SLC38A3: variants seen among roughly 807,000 people sequenced by gnomAD.
SLC38A3 encodes the protein solute carrier family 38 member 3, also known as sodium-coupled neutral amino acid transporter 3.
SLC38A3 carries 17 observed loss-of-function variants against 59.5 expected under a neutral mutation model. The observed-to-expected ratio is 0.29, with a 90% CI of 0.20 to 0.43. The LOEUF is 0.43. Ranked by LOEUF, SLC38A3 falls within the 20% of genes least tolerant of loss-of-function variation. The pLI is 1.00. For synonymous variants in SLC38A3, 238 were observed against 260.3 expected (o/e 0.91, Z 0.82); for missense variants, 454 against 653.9 (o/e 0.69, Z 3.33).
At chr3:50,212,269 G>A (rs1699742429) in intron 1 of SLC38A3, among the ~76,000 whole-genome samples, 1 of 152,224 alleles carries the variant, frequency 6.6e-6, no homozygotes, top group African/African-American at 2.4e-5. Context: ...TGCCAGCTCA[G>A]CACACTCTGA....
In SLC38A3 at chr3:50,215,383, C is replaced by T; in HGVS notation, c.300-3C>T. On this transcript the variant is annotated splice_polypyrimidine_tract_variant and splice_region_variant and intron_variant, in intron 4 of 15. Coordinates refer to ENST00000614032, the MANE Select transcript of SLC38A3 (RefSeq NM_006841.6). The surrounding 1 kb of genome is among the most constrained non-coding windows in gnomAD (Gnocchi z 7.1). Reference sequence around the variant, plus strand: ...TTTCTTCCATCTTCCCATGTGTCCCCAGGTTCCTGTTGACAGCTGTCGCCT... The same window carrying T: ...TTTCTTCCATCTTCCCATGTGTCCCTAGGTTCCTGTTGACAGCTGTCGCCT... 1 of 1,613,916 alleles carries T rather than the reference C, an allele frequency of 6.2e-7. No individual in the cohort carries two copies. The highest frequency in any genetic ancestry group is 1.3e-5 in the African/African-American group (1 of 75,056).
At position 50,219,003 on chromosome 3, in the gene SLC38A3, C is replaced by T. The variant is rs587707194; in HGVS notation, c.1306+55C>T. On this transcript the variant is annotated intron_variant, in intron 14 of 15. Transcript: ENST00000614032. ...GGTATTGCCCCAGAGGATTTCAACT[C>T]TGCAAATCCTGGCAGATTCCTGAGC... 4 of 1,574,504 alleles carry T rather than the reference C, an allele frequency of 2.5e-6. No homozygotes were observed. In the East Asian group the frequency reaches 9.1e-5, roughly 36 times the overall value.
At chr3:50,207,051 C>T (rs1054830552) in intron 1 of SLC38A3, among the ~76,000 whole-genome samples, 1 of 152,218 alleles carries the variant, frequency 6.6e-6, no homozygotes, top group Non-Finnish European at 1.5e-5. Context: ...CCCTGGAAGT[C>T]TGGGCTGGGT....
chr3:50,208,933 C>T (rs1354305048), intron 1 of SLC38A3, among the ~76,000 whole-genome samples: 3 of 152,178 alleles, frequency 2.0e-5, no homozygotes, highest in Non-Finnish European at 2.9e-5. Flanking sequence ...TCCTCCAGGC[C>T]GACCTTGACT....
intron 1 of SLC38A3, among the ~76,000 whole-genome samples, chr3:50,213,896 G>T (rs1462848214): frequency 6.6e-6 from 1 of 152,200 alleles, no homozygotes; most frequent in Non-Finnish European, 1.5e-5. Flanking sequence ...CTAAGGGCTT[G>T]CCTGGACGGG....
At chr3:50,213,981 C>T (rs1318218378) in intron 1 of SLC38A3, among the ~76,000 whole-genome samples, 168 bp from the exon 2 acceptor site, 1 of 152,162 alleles carries the variant, frequency 6.6e-6, no homozygotes, top group Non-Finnish European at 1.5e-5. Context: ...GGTGTCTGAG[C>T]TGGATTCCCC....
At position 50,215,319 on chromosome 3, in the gene SLC38A3, C is replaced by T. The variant is rs1699801577; in HGVS notation, c.300-67C>T. ...CACCCCCAGGCCTCCCAGAGCCCCTCACCCTCTGCCAGCCACGGTAGCCCC... is the reference window on the plus strand; with the variant it reads ...CACCCCCAGGCCTCCCAGAGCCCCTTACCCTCTGCCAGCCACGGTAGCCCC... On this transcript the variant is annotated intron_variant, in intron 4 of 15. Transcript: ENST00000614032. This position sits in a 1 kb window ranked among gnomAD's most constrained non-coding sequence, Gnocchi z 7.1. The T allele has an allele frequency of 1.4e-6, 2 of 1,459,248 alleles. No individual in the cohort carries two copies. Among genetic ancestry groups the T allele is most frequent in the African/African-American group, 1.4e-5 (1 of 71,840 alleles). 90.4% of individuals were successfully genotyped at this position (1,459,248 alleles called of 1,614,324 possible). A position where few individuals can be genotyped will look rare whatever the true frequency, so the allele number is the denominator to read the frequency against.
chr3:50,205,917 A>G (rs1372039625), intron 1 of SLC38A3, among the ~76,000 whole-genome samples: 1 of 152,220 alleles, frequency 6.6e-6, no homozygotes, highest in Non-Finnish European at 1.5e-5. Flanking sequence ...CGCGGGGTAC[A>G]TGCTGGTCCC....
intron 1 of SLC38A3, among the ~76,000 whole-genome samples, chr3:50,209,179 G>C (rs11709574): frequency 6.6e-6 from 1 of 152,228 alleles, no homozygotes; most frequent in African/African-American, 2.4e-5. Flanking sequence ...GTCCTTCTCA[G>C]CAGGCTGGCA....
chr3:50,208,502 A>G (rs1214897928), intron 1 of SLC38A3, among the ~76,000 whole-genome samples: 1 of 151,818 alleles, frequency 6.6e-6, no homozygotes, highest in Non-Finnish European at 1.5e-5. Flanking sequence ...GGCTCAGGTG[A>G]TCTGCCCGCC....
In SLC38A3 at chr3:50,217,641, G is replaced by C; in HGVS notation, c.691-35G>C. On this transcript the variant is annotated intron_variant, in intron 9 of 15. Transcript: ENST00000614032. The surrounding 1 kb of genome is among the most constrained non-coding windows in gnomAD (Gnocchi z 4.9). ...GTGACTTCCCAGGCAGTCCAGCCTG[G>C]GAGTCTCTGACACCCTCATCCCTCC... 6.2e-7 allele frequency: 1 copy of C among 1,611,104 alleles called. No individual in the cohort carries two copies. The highest frequency in any genetic ancestry group is 1.1e-5 in the South Asian group (1 of 90,706).
At chr3:50,216,550 C>G (rs909651005) in intron 7 of SLC38A3, among the ~76,000 whole-genome samples, 2 of 152,290 alleles carry the variant, frequency 1.3e-5, no homozygotes, top group East Asian at 3.9e-4. Flanking sequence ...GTGCCAGAAA[C>G]CCCCGTGGAA....
chr3:50,214,062 G>C lies in SLC38A3; in HGVS notation c.-51-87G>C, dbSNP rs548329813. 1 of 704,204 alleles carries C rather than the reference G, an allele frequency of 1.4e-6. No individual in the cohort carries two copies. The highest frequency in any genetic ancestry group is 1.8e-5 in the South Asian group (1 of 56,298). The allele number at this position is 704,204 out of a possible 1,614,324, so 43.6% of individuals were successfully genotyped here. A position where few individuals can be genotyped will look rare whatever the true frequency, so the allele number is the denominator to read the frequency against. On this transcript the variant is annotated intron_variant, in intron 1 of 15. Coordinates refer to ENST00000614032, the MANE Select transcript of SLC38A3 (RefSeq NM_006841.6). The surrounding 1 kb of genome is among the most constrained non-coding windows in gnomAD (Gnocchi z 6.0). ...ATATGCCCCGAGTGACCATCTGGGA[G>C]GTGTGCTATGGCTGCAGGCCTCAGG...
In SLC38A3 at chr3:50,220,158, G is replaced by A. The variant is rs1047964945; in HGVS notation, c.1496G>A (p.Arg499Gln). ...IIIDWASGTS[R>Q]HGGNH ...ATTGACTGGGCCTCAGGGACCAGCC[G>A]GCATGGAGGAAACCACTAGGGTGAC... Residue 499 changes from arginine to glutamine, a missense_variant, in exon 16 of 16, where the codon CGG becomes CAG. Physicochemically the swap from Arg to Gln is conservative, Grantham distance 43 (BLOSUM62 1). Around this residue, in one of 3 missense-constraint regions of SLC38A3, gnomAD observed 59 missense variants for 70.8 expected, o/e 0.83. Coordinates refer to ENST00000614032, the MANE Select transcript of SLC38A3 (RefSeq NM_006841.6). 24 of 1,595,054 alleles carry A rather than the reference G, an allele frequency of 1.5e-5. No homozygotes were observed. The Middle Eastern group carries it at 6.6e-4, about 44-fold the overall frequency.
At chr3:50,210,193 G>A (rs769596418) in intron 1 of SLC38A3, among the ~76,000 whole-genome samples, 2 of 152,128 alleles carry the variant, frequency 1.3e-5, no homozygotes, top group Non-Finnish European at 2.9e-5. Context: ...TGGACAGAGG[G>A]GTAGCTGTCC....
chr3:50,214,667 A>G lies in SLC38A3; in HGVS notation c.198A>G (p.Thr66=). The G allele has an allele frequency of 6.2e-7, 1 of 1,611,468 alleles. No individual in the cohort carries two copies. The highest frequency in any genetic ancestry group is 8.5e-7 in the Non-Finnish European group (1 of 1,178,300). ...EPHFTDFEGK[T]SFGMSVFNLS... ...GGTGCCTGCAGTTCGAGGGGAAGACATCATTCGGGATGTCAGTGTTCAACC... is the reference window on the plus strand; with the variant it reads ...GGTGCCTGCAGTTCGAGGGGAAGACGTCATTCGGGATGTCAGTGTTCAACC... Residue 66 remains threonine (T), a synonymous_variant, in exon 4 of 16, where the codon ACA becomes ACG. Coordinates refer to ENST00000614032, the MANE Select transcript of SLC38A3 (RefSeq NM_006841.6). This position sits in a 1 kb window ranked among gnomAD's most constrained non-coding sequence, Gnocchi z 6.0.
At position 50,218,727 on chromosome 3, in the gene SLC38A3, T is replaced by C. The variant is rs1366437532; in HGVS notation, c.1161+10T>C. 1 of 1,603,736 alleles carries C rather than the reference T, an allele frequency of 6.2e-7. No homozygotes were observed. Among genetic ancestry groups the C allele is most frequent in the South Asian group, 1.1e-5 (1 of 90,930 alleles). On this transcript the variant is annotated intron_variant, in intron 13 of 15. Transcript: ENST00000614032. This position sits in a 1 kb window ranked among gnomAD's most constrained non-coding sequence, Gnocchi z 5.8. ...CATCGTTCTGTTCCCGGTGAGCTGG[T>C]GGGCAGGTGGCTAGACTAGTGGCGG...
intron 14 of SLC38A3, among the ~76,000 whole-genome samples, chr3:50,219,481 C>T (rs1425365841): frequency 1.3e-5 from 2 of 152,214 alleles, no homozygotes. Context: ...ATGGATATCA[C>T]GGACAGCACT....
Position 50,213,275 on chromosome 3 carries a change from T to A in SLC38A3, c.-51-874T>A, listed in dbSNP as rs1304356130. Among the ~76,000 whole-genome samples, 3 of 151,778 alleles carry A rather than the reference T, an allele frequency of 2.0e-5. No homozygotes were observed. In the East Asian group the frequency reaches 5.9e-4, roughly 30 times the overall value. On this transcript the variant is annotated intron_variant, in intron 1 of 15. Coordinates refer to ENST00000614032, the MANE Select transcript of SLC38A3 (RefSeq NM_006841.6). ...AGGAAATGGGGGTCTGTTCAAAGGGTCCACTCCTGGACAGCGGGCCCCTGA... is the reference window on the plus strand; with the variant it reads ...AGGAAATGGGGGTCTGTTCAAAGGGACCACTCCTGGACAGCGGGCCCCTGA...
Sources: gnomAD v4.1 joint callset for allele counts (sites outside exome capture counted in the v4.1 genomes callset) on GRCh38, gnomAD v4.1.1 for gene constraint, gnomAD v4.1.1 regional missense constraint, Gnocchi (gnomAD v3.1) non-coding constraint, MANE v1.5 for transcripts, NCBI Gene and HGNC (gene_info 2026-07-23, HGNC 2026-07-21) for gene names.